WARS2: variants seen among roughly 807,000 people sequenced by gnomAD.
WARS2 encodes the protein tryptophanyl tRNA synthetase 2, mitochondrial, also known as tryptophan--tRNA ligase, mitochondrial.
A neutral mutation model predicts 36.5 loss-of-function variants in WARS2; 28 were observed. The observed-to-expected ratio is 0.77, with a 90% CI of 0.57 to 1.05. The LOEUF (loss-of-function observed/expected upper bound fraction) is 1.05. Ranked by LOEUF, WARS2 falls within the 50% of genes least tolerant of loss-of-function variation. The probability of loss-of-function intolerance (pLI) is 0.00; values close to 1 mark genes in which losing one functional copy is unlikely to be tolerated. For missense variants in WARS2, 435 were observed against 456.8 expected (o/e 0.95, Z 0.44); for synonymous variants, 174 against 178.4 (o/e 0.98, Z 0.20).
chr1:119,131,465 GT>G (rs1196649477), intron 1 of WARS2, among the ~76,000 whole-genome samples: 14 of 135,312 alleles, frequency 1.0e-4, no homozygotes, highest in Non-Finnish European at 1.3e-4. Flanking sequence ...TTTGTTTTTT[GT>G]TTTTTTTTTT....
intron 1 of WARS2, among the ~76,000 whole-genome samples, chr1:119,078,343 C>G (rs912476063): frequency 6.6e-6 from 1 of 152,140 alleles, no homozygotes; most frequent in Non-Finnish European, 1.5e-5. Flanking sequence ...CCAAGTTTCT[C>G]TAGTGTATAT....
intron 2 of WARS2, among the ~76,000 whole-genome samples, chr1:119,066,963 T>A (rs1650932443): frequency 6.6e-6 from 1 of 152,194 alleles, no homozygotes; most frequent in East Asian, 1.9e-4. Flanking sequence ...TAATATTGTT[T>A]GCAGTAATAA....
intron 1 of WARS2, among the ~76,000 whole-genome samples, chr1:119,095,062 T>TA (rs978437394): frequency 2.6e-5 from 4 of 152,174 alleles, no homozygotes; most frequent in African/African-American, 9.7e-5. Flanking sequence ...AGGTTTTTTT[T>TA]ATGATCGATT....
At chr1:119,059,990 G>C (rs1314985746) in intron 2 of WARS2, among the ~76,000 whole-genome samples, 2 of 152,160 alleles carry the variant, frequency 1.3e-5, no homozygotes, top group African/African-American at 2.4e-5. Context: ...ATGGATACTA[G>C]ACTTAATACC....
chr1:119,090,337 G>T (rs909741299), intron 1 of WARS2, among the ~76,000 whole-genome samples: 2 of 152,066 alleles, frequency 1.3e-5, no homozygotes, highest in African/African-American at 4.8e-5. Flanking sequence ...TTGTGCACTG[G>T]CTGTGCTTCC....
At chr1:119,089,433 A>G (rs1379826286) in intron 1 of WARS2, among the ~76,000 whole-genome samples, 2 of 152,224 alleles carry the variant, frequency 1.3e-5, no homozygotes, top group African/African-American at 4.8e-5. Flanking sequence ...TAGCTTGGTT[A>G]TAAACCATGG....
At chr1:119,085,726 T>C (rs1171527268) in intron 1 of WARS2, 13 of 1,558,798 alleles carry the variant, frequency 8.3e-6, no homozygotes, top group African/African-American at 2.7e-5. Flanking sequence ...CAGAATCCTT[T>C]GGATTTCCCA....
intron 1 of WARS2, among the ~76,000 whole-genome samples, chr1:119,102,142 A>C (rs1019825637): frequency 3.3e-5 from 5 of 152,202 alleles, no homozygotes; most frequent in Admixed American, 2.6e-4. Context: ...CCATCCATTT[A>C]CATTTATTGA....
At chr1:119,074,253 G>A (rs1651546281) in intron 2 of WARS2, among the ~76,000 whole-genome samples, 1 of 152,220 alleles carries the variant, frequency 6.6e-6, no homozygotes, top group Non-Finnish European at 1.5e-5. Flanking sequence ...GAGATAGGAT[G>A]ACCAAGAAGG....
intron 1 of WARS2, among the ~76,000 whole-genome samples, chr1:119,107,950 T>C: frequency 6.6e-6 from 1 of 152,076 alleles, no homozygotes; most frequent in Admixed American, 6.6e-5. Context: ...GATTTTTCTT[T>C]TTTAGTTTGT....
intron 1 of WARS2, among the ~76,000 whole-genome samples, chr1:119,107,372 A>G (rs762574936): frequency 3.3e-5 from 5 of 152,066 alleles, no homozygotes; most frequent in South Asian, 2.1e-4. Context: ...AGTCATGTAA[A>G]CTTTATCCTA....
chr1:119,080,858 A>G (rs1652139899), intron 1 of WARS2, among the ~76,000 whole-genome samples: 1 of 152,238 alleles, frequency 6.6e-6, no homozygotes, highest in Non-Finnish European at 1.5e-5. Flanking sequence ...AACCACAAAG[A>G]AAACAGCTTC....
chr1:119,132,814 T>A (rs1656214596), intron 1 of WARS2, among the ~76,000 whole-genome samples: 1 of 152,188 alleles, frequency 6.6e-6, no homozygotes, highest in Non-Finnish European at 1.5e-5. Context: ...AATATACTAA[T>A]ATACTCACCT....
intron 1 of WARS2, among the ~76,000 whole-genome samples, chr1:119,119,542 A>G (rs996586785): frequency 6.6e-6 from 1 of 152,118 alleles, no homozygotes; most frequent in Non-Finnish European, 1.5e-5. Flanking sequence ...GACTTAAACT[A>G]TACTTTAAAA....
At chr1:119,064,986 T>C (rs1047620425) in intron 2 of WARS2, among the ~76,000 whole-genome samples, 4 of 152,194 alleles carry the variant, frequency 2.6e-5, no homozygotes, top group African/African-American at 4.8e-5. Context: ...ATTTGCTAAA[T>C]TCAAGCTTTA....
chr1:119,067,277 T>A (rs986006675), intron 2 of WARS2, among the ~76,000 whole-genome samples: 1 of 152,124 alleles, frequency 6.6e-6, no homozygotes, highest in African/African-American at 2.4e-5. Context: ...CAAATCAATA[T>A]AATAGTGGTT....
intron 1 of WARS2, among the ~76,000 whole-genome samples, chr1:119,117,893 C>A (rs1291045867): frequency 6.6e-6 from 1 of 152,212 alleles, no homozygotes; most frequent in East Asian, 1.9e-4. Flanking sequence ...AGCATCACAT[C>A]AATGGACCAC....
At chr1:119,134,796 GGAGA>G (rs1290732617) in intron 1 of WARS2, among the ~76,000 whole-genome samples, 4 of 152,172 alleles carry the variant, frequency 2.6e-5, no homozygotes, top group Non-Finnish European at 5.9e-5. Flanking sequence ...TTGAAATTTA[GGAGA>G]AAGATTTAGG....
chr1:119,105,607 A>T (rs959912610), intron 1 of WARS2, among the ~76,000 whole-genome samples: 4 of 152,126 alleles, frequency 2.6e-5, no homozygotes, highest in African/African-American at 9.7e-5. Flanking sequence ...CCTGGAAACC[A>T]AGGCATTAAA....
Sources: allele counts gnomAD v4.1 joint callset (sites outside exome capture counted in the v4.1 genomes callset), GRCh38; gene constraint gnomAD v4.1.1; transcripts MANE v1.5; gene names NCBI Gene and HGNC (gene_info 2026-07-23, HGNC 2026-07-21).